Variants in GRAMD1B observed in about 807,000 individuals in gnomAD.
GRAMD1B encodes protein Aster-B.
In GRAMD1B, 37 loss-of-function variants were observed where a neutral mutation model predicts 99.7. The observed-to-expected ratio is 0.37, with a 90% confidence interval of 0.29 to 0.49. The LOEUF is 0.49. Among genes scored for constraint, GRAMD1B ranks in the 20% least tolerant of loss-of-function variants. The pLI is 0.98. For synonymous variants in GRAMD1B, 427 were observed against 387.6 expected (o/e 1.10, Z -1.19); for missense variants, 888 against 1,009.2 (o/e 0.88, Z 1.63).
upstream of GRAMD1B, among the ~76,000 whole-genome samples, chr11:123,425,657 T>C (rs1948622221): frequency 6.6e-6 from 1 of 152,210 alleles, no homozygotes; most frequent in Non-Finnish European, 1.5e-5. Flanking sequence ...CCCAGGGCTC[T>C]ATTCTCGGAA....
chr11:123,431,665 CCA>C (rs1948897325), intron 1 of GRAMD1B, among the ~76,000 whole-genome samples: 1 of 152,194 alleles, frequency 6.6e-6, no homozygotes, highest in Non-Finnish European at 1.5e-5. Flanking sequence ...TTATGTTTGG[CCA>C]CACCGGATTG....
chr11:123,588,498 T>A (rs1328407504), intron 4 of GRAMD1B, among the ~76,000 whole-genome samples: 1 of 152,180 alleles, frequency 6.6e-6, no homozygotes, highest in Non-Finnish European at 1.5e-5. Context: ...CAAATGTTTT[T>A]GGGTAGTTAC....
Position 123,430,998 on chromosome 11 carries a change from C to T in GRAMD1B, c.206C>T (p.Ala69Val). The change falls in exon 1 of 20, where the codon GCC (alanine) becomes GTC (valine). Residue 69 changes from alanine to valine, a missense_variant. Ala to Val is a moderately conservative substitution (Grantham distance 64). Transcript: ENST00000635736. ...GLARDLPAVL[A>V]PGKEFLQLPS... ...GCCCGGGACCTGCCCGCCGTCTTGG[C>T]CCCCGGCAAGGAGTTCCTGCAGCTG... 1 of 702,944 alleles carries T rather than the reference C, an allele frequency of 1.4e-6. No homozygotes were observed. The highest frequency in any genetic ancestry group is 2.7e-5 in the East Asian group (1 of 37,268). 43.5% of individuals were successfully genotyped at this position (702,944 alleles called of 1,614,324 possible). A position where few individuals can be genotyped will look rare whatever the true frequency, so the allele number is the denominator to read the frequency against.
At chr11:123,525,279 C>T (rs7927437) in intron 2 of GRAMD1B, among the ~76,000 whole-genome samples, 42,255 of 152,078 alleles carry the variant, frequency 0.28, 6,437 homozygotes, top group South Asian at 0.43. Context: ...GAGCACGCAG[C>T]CCTGCTTGCC....
At chr11:123,459,141 G>A (rs1206735879) in intron 1 of GRAMD1B, 1 of 152,146 alleles carries the variant, frequency 6.6e-6, no homozygotes, top group Non-Finnish European at 1.5e-5. Flanking sequence ...TATAGTTATG[G>A]TGACCAGCCC....
intron 2 of GRAMD1B, among the ~76,000 whole-genome samples, chr11:123,524,166 C>G (rs1565326714): frequency 6.6e-6 from 1 of 152,102 alleles, no homozygotes; most frequent in African/African-American, 2.4e-5. Flanking sequence ...CTACAATCCC[C>G]AAGCCCTCCT....
At chr11:123,472,303 G>T (rs942402077) in intron 1 of GRAMD1B, among the ~76,000 whole-genome samples, 6 of 152,068 alleles carry the variant, frequency 3.9e-5, no homozygotes, top group Admixed American at 3.9e-4. Flanking sequence ...ACAGACATGG[G>T]CATGTTCAGA....
rs751049869 is a variant in GRAMD1B, at chr11:123,606,783, G to A, written c.1498G>A (p.Asp500Asn). 12 of 1,613,444 alleles carry A rather than the reference G, an allele frequency of 7.4e-6. No homozygotes were observed. Among genetic ancestry groups the A allele is most frequent in the Admixed American group, 5.0e-5 (3 of 59,980 alleles). ...CCCCACTGAGCTCAGTGACTCTTCC[G>A]ACACACACGATGAAGGTGGGCATTT... ...DIPTELSDSS[D>N]THDEGEVQAF... The change falls in exon 11 of 20, where the codon GAC becomes AAC. Residue 500 changes from aspartate (D) to asparagine (N), a missense_variant. Physicochemically the swap from Asp to Asn is conservative, Grantham distance 23. Around this residue, in one of 5 missense-constraint regions of GRAMD1B, gnomAD observed 269 missense variants for 296.6 expected, o/e 0.91. Transcript: ENST00000635736.
At chr11:123,609,290 G>T (rs898586171) in intron 12 of GRAMD1B, among the ~76,000 whole-genome samples, 2 of 152,114 alleles carry the variant, frequency 1.3e-5, no homozygotes, top group Non-Finnish European at 2.9e-5. Flanking sequence ...GGATCTGGGG[G>T]TTCATGCTTT....
chr11:123,458,609 C>T (rs529335605), intron 1 of GRAMD1B: 3 of 152,020 alleles, frequency 2.0e-5, no homozygotes, highest in Admixed American at 1.3e-4. Context: ...AGAAAATGGT[C>T]ATAAAGAATT....
chr11:123,578,247 C>A (rs948642790), intron 3 of GRAMD1B, among the ~76,000 whole-genome samples: 1 of 152,154 alleles, frequency 6.6e-6, no homozygotes, highest in Non-Finnish European at 1.5e-5. Context: ...CTTCAGGAAA[C>A]TTCTCTTCAC....
chr11:123,420,911 G>T (rs780427128), intron 1 of GRAMD1B, among the ~76,000 whole-genome samples: 1 of 152,134 alleles, frequency 6.6e-6, no homozygotes, highest in Non-Finnish European at 1.5e-5. Flanking sequence ...ATAGTGCCTT[G>T]CTCATGAAAT....
intron 1 of GRAMD1B, among the ~76,000 whole-genome samples, chr11:123,451,502 G>A (rs1384948952): frequency 2.0e-5 from 3 of 152,172 alleles, no homozygotes; most frequent in Non-Finnish European, 2.9e-5. Flanking sequence ...TTATACTGAG[G>A]CTTATGGATA....
intron 1 of GRAMD1B, among the ~76,000 whole-genome samples, chr11:123,449,714 C>CTTTTGTTTTTTTTTTTTTTTTTTTTTT (rs1949797484): frequency 1.0e-5 from 1 of 99,988 alleles, no homozygotes. Flanking sequence ...CCATGCCTGG[C>CTTTTGTTTTTTTTTTTTTTTTTTTTTT]TTTTTTTTTT....
chr11:123,549,836 G>C (rs928551212), intron 2 of GRAMD1B, among the ~76,000 whole-genome samples: 3 of 152,150 alleles, frequency 2.0e-5, no homozygotes, highest in Non-Finnish European at 4.4e-5. Context: ...CCAGGAAAAG[G>C]CCTGTCTGGA....
At chr11:123,480,567 C>T (rs1262242274) in intron 1 of GRAMD1B, among the ~76,000 whole-genome samples, 1 of 152,056 alleles carries the variant, frequency 6.6e-6, no homozygotes, top group East Asian at 1.9e-4. Flanking sequence ...GGTAGCAGGG[C>T]GAGATGGGCC....
intron 1 of GRAMD1B, among the ~76,000 whole-genome samples, chr11:123,417,591 T>C (rs993658144): frequency 6.6e-6 from 1 of 152,096 alleles, no homozygotes; most frequent in Non-Finnish European, 1.5e-5. Flanking sequence ...ATTATACAAA[T>C]GTAGTAAATG....
intron 19 of GRAMD1B, among the ~76,000 whole-genome samples, chr11:123,620,472 C>CA (rs55787871): frequency 0.33 from 22,897 of 68,662 alleles, 5,185 homozygotes; most frequent in South Asian, 0.46. Context: ...GACTTCATCT[C>CA]AAAAAAAAAA....
chr11:123,410,351 T>A (rs557042595), intron 1 of GRAMD1B, among the ~76,000 whole-genome samples: 88 of 150,454 alleles, frequency 5.8e-4, no homozygotes, highest in Middle Eastern at 6.9e-3. Context: ...GAAGTGAAAA[T>A]GTTATGATGG....
Sources: allele counts gnomAD v4.1 joint callset (sites outside exome capture counted in the v4.1 genomes callset), GRCh38; gene constraint gnomAD v4.1.1; regional missense constraint gnomAD v4.1.1; transcripts MANE v1.5; gene names NCBI Gene and HGNC (gene_info 2026-07-23, HGNC 2026-07-21).